Variants in MAN1C1 observed in about 807,000 individuals in gnomAD.
The protein encoded by MAN1C1 is mannosidase alpha class 1C member 1.
A neutral mutation model predicts 71.5 loss-of-function variants in MAN1C1; 49 were observed. That is an observed-to-expected ratio of 0.69 (90% CI 0.54 to 0.87). The LOEUF is 0.87. MAN1C1 is among the 40% of genes least tolerant of loss of function. The pLI is 0.00. For synonymous variants in MAN1C1, 352 were observed against 343.7 expected, an observed-to-expected ratio of 1.02 and a Z score of -0.27; for missense variants, 743 against 835.0, an observed-to-expected ratio of 0.89 and a Z score of 1.36.
chr1:25,681,852 A>C (rs1216626356), intron 1 of MAN1C1, among the ~76,000 whole-genome samples: 3 of 151,976 alleles, frequency 2.0e-5, no homozygotes, highest in African/African-American at 7.3e-5. Context: ...ATAGGTTTTT[A>C]AGTTAGTGAT....
chr1:25,626,769 C>T (rs58927711), intron 1 of MAN1C1, among the ~76,000 whole-genome samples: 13,468 of 152,104 alleles, frequency 0.089, 1,318 homozygotes, highest in East Asian at 0.22. Flanking sequence ...AAGAATGCTT[C>T]ATATATTCTA....
chr1:25,770,433 T>C (rs1489468772), intron 7 of MAN1C1, among the ~76,000 whole-genome samples: 2 of 152,344 alleles, frequency 1.3e-5, no homozygotes, highest in South Asian at 2.1e-4. Context: ...TTTTGGTCCC[T>C]TGGTCCTCAC....
intron 1 of MAN1C1, among the ~76,000 whole-genome samples, chr1:25,629,522 G>A (rs1045666111): frequency 1.3e-5 from 2 of 152,072 alleles, no homozygotes; most frequent in Non-Finnish European, 2.9e-5. Flanking sequence ...TGCAGCCTCC[G>A]CCTCCCAGGT....
At chr1:25,727,196 C>T (rs1052122729) in intron 2 of MAN1C1, among the ~76,000 whole-genome samples, 6 of 152,216 alleles carry the variant, frequency 3.9e-5, no homozygotes, top group Admixed American at 6.5e-5. Context: ...AGGCACTAGT[C>T]ATTTAAATTC....
At chr1:25,650,672 T>C (rs2045678906) in intron 1 of MAN1C1, among the ~76,000 whole-genome samples, 1 of 152,010 alleles carries the variant, frequency 6.6e-6, no homozygotes, top group Non-Finnish European at 1.5e-5. Context: ...TTTGACATAG[T>C]GTGTTCTCAT....
Position 25,778,079 on chromosome 1 carries a change from C to G in MAN1C1, c.1258-26C>G, listed in dbSNP as rs750007853. ...CTGTGCCCTCCCACGCCCCTTCTCC[C>G]TGCCCAATCCCCACCTTGCTCCCAG... On this transcript the variant is annotated intron_variant, in intron 8 of 11. Transcript: ENST00000374332. This position sits in a 1 kb window ranked among gnomAD's most constrained non-coding sequence, Gnocchi z 5.5. 11 of 1,515,312 alleles carry G rather than the reference C, an allele frequency of 7.3e-6. No individual in the cohort carries two copies. The highest frequency in any genetic ancestry group is 9.8e-6 in the Non-Finnish European group (11 of 1,124,280). 93.9% of individuals were successfully genotyped at this position (1,515,312 alleles called of 1,614,324 possible).
intron 1 of MAN1C1, among the ~76,000 whole-genome samples, chr1:25,655,643 C>T (rs1173880000): frequency 2.0e-5 from 3 of 152,128 alleles, no homozygotes; most frequent in Non-Finnish European, 4.4e-5. Flanking sequence ...GACATCCTCT[C>T]CAACTCCTGC....
intron 1 of MAN1C1, among the ~76,000 whole-genome samples, chr1:25,640,843 T>C (rs1005890129): frequency 5.9e-5 from 9 of 152,154 alleles, no homozygotes; most frequent in Admixed American, 2.0e-4. Context: ...CTTGAGTAAC[T>C]AAAAATGGTG....
chr1:25,737,813 G>A (rs776284887), intron 2 of MAN1C1, among the ~76,000 whole-genome samples: 10 of 152,018 alleles, frequency 6.6e-5, no homozygotes, highest in South Asian at 2.1e-4. Context: ...GGTGTTTACC[G>A]AGCCATCTCT....
chr1:25,634,724 G>T lies in MAN1C1; in HGVS notation c.540+16387G>T, dbSNP rs890407639. On this transcript the variant is annotated intron_variant, in intron 1 of 11. Transcript: ENST00000374332. This position sits in a 1 kb window ranked among gnomAD's most constrained non-coding sequence, Gnocchi z 4.6. ...AGTCCCAGCTATTCAGGAGGCTGGG[G>T]CACGAGAATTGCTTGAACTAGGGAG... Among the ~76,000 whole-genome samples the T allele has an allele frequency of 6.6e-6, 1 of 152,102 alleles. No individual in the cohort carries two copies. Among genetic ancestry groups the T allele is most frequent in the African/African-American group, 2.4e-5 (1 of 41,406 alleles).
intron 1 of MAN1C1, among the ~76,000 whole-genome samples, chr1:25,656,320 A>G (rs2045767119): frequency 6.6e-6 from 1 of 151,164 alleles, no homozygotes; most frequent in Non-Finnish European, 1.5e-5. Flanking sequence ...CCGGTCTCGA[A>G]CTCCTGACCT....
rs914988049 is a variant in MAN1C1 at position 25,730,762 on chromosome 1, G to T, written c.638-15906G>T. 5.0e-4 allele frequency among the ~76,000 whole-genome samples: 76 copies of T among 152,264 alleles called. No individual in the cohort carries two copies. The highest frequency in any genetic ancestry group is 1.8e-3 in the African/African-American group (73 of 41,548). On this transcript the variant is annotated intron_variant, in intron 2 of 11. Coordinates refer to ENST00000374332, the MANE Select transcript of MAN1C1 (RefSeq NM_020379.4). The surrounding 1 kb of genome is among the most constrained non-coding windows in gnomAD (Gnocchi z 4.3). ...TGGGTGGACAGGGCAAGCGGGGAGG[G>T]GGTTCTCCCTGTGTGGGCACTTCCT...
Position 25,780,996 on chromosome 1 carries a change from A to T in MAN1C1, c.1534A>T (p.Thr512Ser). ...TAACTCCGGCAGAGAGGCCGTGGCC[A>T]CCCAGCTGAGCGAGAGCTACTACAT... Reference protein sequence around the residue: ...WFNSGREAVATQLSESYYILR... With the variant: ...WFNSGREAVASQLSESYYILR... The change falls in exon 10 of 12, where the codon ACC becomes TCC. Residue 512 changes from threonine (T) to serine (S), a missense_variant. Transcript: ENST00000374332. 6.2e-7 allele frequency: 1 copy of T among 1,614,144 alleles called. No individual in the cohort carries two copies.
chr1:25,646,750 A>G (rs1163125032), intron 1 of MAN1C1, among the ~76,000 whole-genome samples: 1 of 152,142 alleles, frequency 6.6e-6, no homozygotes. Flanking sequence ...TGTGTGCGAG[A>G]GTTTCTTTTG....
intron 1 of MAN1C1, among the ~76,000 whole-genome samples, chr1:25,656,071 A>G (rs1219159281): frequency 9.1e-6 from 1 of 110,406 alleles, no homozygotes; most frequent in Non-Finnish European, 1.7e-5. Context: ...AAGCTGATGT[A>G]TGTCTTAGGT....
intron 2 of MAN1C1, among the ~76,000 whole-genome samples, chr1:25,739,724 G>A (rs1412069353): frequency 6.6e-6 from 1 of 152,154 alleles, no homozygotes; most frequent in Admixed American, 6.5e-5. Flanking sequence ...TGTGCAGGGC[G>A]AGGCTTTGGG....
At chr1:25,663,368 TG>T in intron 1 of MAN1C1, among the ~76,000 whole-genome samples, 1 of 152,188 alleles carries the variant, frequency 6.6e-6, no homozygotes, top group East Asian at 1.9e-4. Flanking sequence ...CCCCAGTGGA[TG>T]CCTGAAACTT....
intron 2 of MAN1C1, among the ~76,000 whole-genome samples, chr1:25,722,025 C>T (rs774485129): frequency 3.9e-5 from 6 of 152,218 alleles, no homozygotes; most frequent in Non-Finnish European, 7.4e-5. Flanking sequence ...CTCTATTCTA[C>T]TCTCACGCTT....
intron 1 of MAN1C1, among the ~76,000 whole-genome samples, chr1:25,638,982 A>G (rs2124758849): frequency 6.6e-6 from 1 of 152,222 alleles, no homozygotes; most frequent in Middle Eastern, 3.4e-3. Context: ...CCAGTTACAT[A>G]TAAGTTAGAT....
Sources: gnomAD v4.1 joint callset for allele counts (sites outside exome capture counted in the v4.1 genomes callset) on GRCh38, gnomAD v4.1.1 for gene constraint, Gnocchi (gnomAD v3.1) non-coding constraint, MANE v1.5 for transcripts, NCBI Gene and HGNC (gene_info 2026-07-23, HGNC 2026-07-21) for gene names.